The following EMCN variants were observed in gnomAD, a reference collection of about 807,000 sequenced individuals.
EMCN encodes the protein endomucin, also known as MUC-14.
EMCN carries 37 observed loss-of-function variants against 38.4 expected under a neutral mutation model. That is an observed-to-expected ratio of 0.96 (90% confidence interval 0.74 to 1.27). The LOEUF is 1.27. Among genes scored for constraint, EMCN ranks in the 50% most tolerant of loss-of-function variants. The pLI, the probability that EMCN is intolerant of heterozygous loss-of-function variation, is 0.00. For synonymous variants in EMCN, 95 were observed against 100.8 expected, an observed-to-expected ratio of 0.94 and a Z score of 0.35; for missense variants, 318 against 302.8, an observed-to-expected ratio of 1.05 and a Z score of -0.37.
chr4:100,493,210 A>T (rs985886719), intron 1 of EMCN, among the ~76,000 whole-genome samples: 1 of 152,172 alleles, frequency 6.6e-6, no homozygotes, highest in South Asian at 2.1e-4. Context: ...TGAAAACTTA[A>T]TCTCCTCCCT....
chr4:100,450,951 A>C (rs1397885303), intron 4 of EMCN, among the ~76,000 whole-genome samples: 1 of 151,844 alleles, frequency 6.6e-6, no homozygotes, highest in Non-Finnish European at 1.5e-5. Context: ...TTTCCTTTTC[A>C]GCTTTCTTGC....
intron 9 of EMCN, 122 bp downstream of exon 9, chr4:100,416,991 CAGTT>C (rs1315209831): frequency 2.2e-6 from 2 of 898,266 alleles, no homozygotes; most frequent in African/African-American, 3.4e-5. Context: ...CTCTGACAAA[CAGTT>C]AAAGCCAATA....
At chr4:100,479,364 T>A (rs756293905) in intron 2 of EMCN, among the ~76,000 whole-genome samples, 5 of 152,150 alleles carry the variant, frequency 3.3e-5, no homozygotes, top group Non-Finnish European at 7.4e-5. Context: ...GATAATCTCT[T>A]GTTTTTTTTA....
At chr4:100,406,314 G>A (rs924412847) in intron 11 of EMCN, among the ~76,000 whole-genome samples, 10 of 151,402 alleles carry the variant, frequency 6.6e-5, no homozygotes, top group South Asian at 4.2e-4. Flanking sequence ...AGTTCCTCTA[G>A]GTGTGATGTT....
chr4:100,455,377 T>G (rs933143532), intron 4 of EMCN, among the ~76,000 whole-genome samples: 18 of 152,134 alleles, frequency 1.2e-4, no homozygotes, highest in African/African-American at 4.3e-4. Context: ...ATTTCTAATG[T>G]TCTTCATGCC....
chr4:100,484,069 T>C (rs770097561), intron 1 of EMCN, among the ~76,000 whole-genome samples: 43 of 152,254 alleles, frequency 2.8e-4, no homozygotes, highest in Non-Finnish European at 5.7e-4. Context: ...GCTCAAGGGA[T>C]ACTGTGATAC....
intron 5 of EMCN, among the ~76,000 whole-genome samples, chr4:100,424,982 T>C (rs779464219): frequency 4.6e-5 from 7 of 152,036 alleles, no homozygotes; most frequent in Non-Finnish European, 7.4e-5. Context: ...GCTTAAAACG[T>C]GTTGATTGCC....
chr4:100,460,981 C>T (rs1728162791), intron 4 of EMCN, among the ~76,000 whole-genome samples: 1 of 152,178 alleles, frequency 6.6e-6, no homozygotes, highest in Admixed American at 6.5e-5. Flanking sequence ...AACTCTCCAT[C>T]ACATTGTGTA....
chr4:100,440,677 T>G (rs1727488630), intron 5 of EMCN, among the ~76,000 whole-genome samples: 1 of 152,044 alleles, frequency 6.6e-6, no homozygotes, highest in Admixed American at 6.6e-5. Context: ...AATCAATGGG[T>G]ACTTAGGTTG....
At chr4:100,425,152 C>CACACACACACAT (rs1328638348) in intron 5 of EMCN, among the ~76,000 whole-genome samples, 2 of 147,224 alleles carry the variant, frequency 1.4e-5, no homozygotes, top group African/African-American at 5.2e-5. Context: ...GAATCCAGCA[C>CACACACACACAT]ACACACACAC....
intron 1 of EMCN, among the ~76,000 whole-genome samples, chr4:100,503,581 T>G (rs1167067867): frequency 6.6e-6 from 1 of 152,120 alleles, no homozygotes; most frequent in African/African-American, 2.4e-5. Context: ...AATCTACTTT[T>G]TTATTTTTTA....
rs184810004 is a variant in EMCN, at chr4:100,422,416, C to A, written c.568+605G>T. ...TTATAATAACAGTTTTGAATATTGTCTTTTTATTCTTAATTACTAAGGAAG... is the reference window on the plus strand; with the variant it reads ...TTATAATAACAGTTTTGAATATTGTATTTTTATTCTTAATTACTAAGGAAG... On this transcript the variant is annotated intron_variant, in intron 7 of 11. Transcript: ENST00000296420. 3.0e-3 allele frequency among the ~76,000 whole-genome samples: 458 copies of A among 151,966 alleles called. 2 individuals are homozygous for A. Among genetic ancestry groups the A allele is most frequent in the African/African-American group, 0.01 (431 of 41,498 alleles).
intron 1 of EMCN, chr4:100,486,974 A>G (rs1296219212): frequency 1.0e-6 from 1 of 985,066 alleles, no homozygotes. Flanking sequence ...TGTGGACTTT[A>G]GTATAAGGAG....
In EMCN at chr4:100,447,555, T is replaced by C. The variant is rs1162524064; in HGVS notation, c.393A>G (p.Ser131=). ...SSKPKTETQS[S]IKTTEIPGSV... ...TACCTGGTATTTCTGTTGTTTTAAT[T>C]GAACTCTGAGTTTCAGCTTTAGAAG... The change falls in exon 5 of 12, where the codon TCA becomes TCG. Residue 131 remains serine (S), a synonymous_variant. Coordinates refer to ENST00000296420, the MANE Select transcript of EMCN (RefSeq NM_016242.4). 1 of 1,602,958 alleles carries C rather than the reference T, an allele frequency of 6.2e-7. No individual in the cohort carries two copies. Among genetic ancestry groups the C allele is most frequent in the African/African-American group, 1.3e-5 (1 of 74,674 alleles).
intron 1 of EMCN, among the ~76,000 whole-genome samples, chr4:100,506,423 C>A (rs1357114550): frequency 2.0e-5 from 3 of 152,010 alleles, no homozygotes; most frequent in Non-Finnish European, 4.4e-5. Flanking sequence ...CCCAAATGCC[C>A]ATGGGTCATG....
At chr4:100,399,033 G>C (rs1050071828) in intron 11 of EMCN, among the ~76,000 whole-genome samples, 1 of 152,080 alleles carries the variant, frequency 6.6e-6, no homozygotes, top group East Asian at 1.9e-4. Flanking sequence ...AAAATTTATG[G>C]GCAACTTTAA....
chr4:100,459,304 C>CATAT lies in EMCN; in HGVS notation c.376+6115_376+6118dup, dbSNP rs36079035. Among the ~76,000 whole-genome samples the CATAT allele has an allele frequency of 1.8e-3, 273 of 149,244 alleles. 5 individuals carry two copies. Among genetic ancestry groups the CATAT allele is most frequent in the Admixed American group, 6.0e-3 (89 of 14,954 alleles). On this transcript the variant is annotated intron_variant, in intron 4 of 11. Transcript: ENST00000296420. Reference sequence around the variant, plus strand: ...GACAATATTTTGTGTGTGTGTACACCATATATATATACATATGGTGTACAA... The same window carrying CATAT: ...GACAATATTTTGTGTGTGTGTACACCATATATATATATATACATATGGTGTACAA...
intron 7 of EMCN, among the ~76,000 whole-genome samples, chr4:100,422,817 C>CTTTCTTT (rs200916996): frequency 0.11 from 12,658 of 119,738 alleles, 595 homozygotes; most frequent in South Asian, 0.18. Context: ...TTCTTTCTTT[C>CTTTCTTT]TTTTCTTTTT....
At chr4:100,400,353 A>ATTTTTTTTTTTTTTTTTTTT (rs3214622) in intron 11 of EMCN, among the ~76,000 whole-genome samples, 5 of 146,746 alleles carry the variant, frequency 3.4e-5, no homozygotes, top group Non-Finnish European at 4.5e-5. Flanking sequence ...CCTAGGCCAC[A>ATTTTTTTTTTTTTTTTTTTT]TTTTTTTTTT....
Sources: allele counts gnomAD v4.1 joint callset (sites outside exome capture counted in the v4.1 genomes callset), GRCh38; gene constraint gnomAD v4.1.1; transcripts MANE v1.5; gene names NCBI Gene and HGNC (gene_info 2026-07-23, HGNC 2026-07-21).